The following HSD17B12 variants were observed in gnomAD, a reference collection of about 807,000 sequenced individuals.
HSD17B12 encodes hydroxysteroid 17-beta dehydrogenase 12.
A neutral mutation model predicts 39.3 loss-of-function variants in HSD17B12; 32 were observed. That is an observed-to-expected ratio of 0.81 (90% confidence interval 0.61 to 1.09). HSD17B12 has a LOEUF of 1.09. Ranked by LOEUF, HSD17B12 falls within the 50% of genes least tolerant of loss-of-function variation. The pLI, the probability that HSD17B12 is intolerant of heterozygous loss-of-function variation, is 0.00. For synonymous variants in HSD17B12, 150 were observed against 146.7 expected, an observed-to-expected ratio of 1.02 and a Z score of -0.16; for missense variants, 342 against 382.9, an observed-to-expected ratio of 0.89 and a Z score of 0.89.
upstream of HSD17B12, chr11:43,680,665 C>G (rs1390336213): frequency 3.0e-6 from 2 of 675,054 alleles, no homozygotes; most frequent in East Asian, 5.3e-5. Flanking sequence ...AGACGGGTCA[C>G]CAATAGCGAC....
chr11:43,676,208 G>GTTGTGTGTGT (rs1554958172), upstream of HSD17B12, among the ~76,000 whole-genome samples: 2 of 147,626 alleles, frequency 1.4e-5, no homozygotes, highest in African/African-American at 5.0e-5. Context: ...AGAGGAAGAG[G>GTTGTGTGTGT]GTGTGTGTGT....
chr11:43,646,374 T>G, the HSD17B12 span: 1 of 152,212 alleles, frequency 6.6e-6, no homozygotes, highest in Admixed American at 6.5e-5. Flanking sequence ...AGAAATTTAT[T>G]TTTAAATGAT....
the HSD17B12 span, among the ~76,000 whole-genome samples, chr11:43,560,902 A>T: frequency 2.6e-5 from 4 of 152,194 alleles, no homozygotes; most frequent in African/African-American, 9.7e-5. Flanking sequence ...TCCTTCGTCA[A>T]GCGAATAATT....
chr11:43,735,449 A>AT (rs1224971718), intron 1 of HSD17B12, among the ~76,000 whole-genome samples: 7 of 152,184 alleles, frequency 4.6e-5, no homozygotes, highest in Non-Finnish European at 8.8e-5. Flanking sequence ...ATTTTAAAAA[A>AT]TTACGGTCAA....
At chr11:43,734,841 C>T (rs1950302642) in intron 1 of HSD17B12, among the ~76,000 whole-genome samples, 1 of 152,214 alleles carries the variant, frequency 6.6e-6, no homozygotes, top group Non-Finnish European at 1.5e-5. Flanking sequence ...AGTACATTCA[C>T]ACTGCTGTGC....
chr11:43,781,100 C>T (rs778238778), intron 3 of HSD17B12, among the ~76,000 whole-genome samples: 6 of 152,088 alleles, frequency 3.9e-5, no homozygotes, highest in South Asian at 4.1e-4. Context: ...TTCCCCCCAA[C>T]GCCTCCTCAT....
chr11:43,656,695 A>T, the HSD17B12 span, among the ~76,000 whole-genome samples: 1 of 152,062 alleles, frequency 6.6e-6, no homozygotes, highest in African/African-American at 2.4e-5. Flanking sequence ...TTCAGTTTTC[A>T]TGTAGTTCAG....
chr11:43,587,388 G>A, the HSD17B12 span, among the ~76,000 whole-genome samples: 1 of 152,146 alleles, frequency 6.6e-6, no homozygotes, highest in Non-Finnish European at 1.5e-5. Context: ...TAGACCCCAA[G>A]TTAAAATTTT....
At chr11:43,850,703 C>G (rs577145792) in intron 9 of HSD17B12, among the ~76,000 whole-genome samples, 1 of 152,334 alleles carries the variant, frequency 6.6e-6, no homozygotes, top group East Asian at 1.9e-4. Context: ...CTGAATCAAG[C>G]CCCCTGAATT....
chr11:43,826,931 C>T (rs1374208816), intron 6 of HSD17B12, among the ~76,000 whole-genome samples: 2 of 152,196 alleles, frequency 1.3e-5, no homozygotes, highest in Non-Finnish European at 2.9e-5. Flanking sequence ...TTCACTGTTA[C>T]ACTGTGATTT....
At chr11:43,774,288 A>G (rs984793293) in intron 3 of HSD17B12, among the ~76,000 whole-genome samples, 10 of 151,444 alleles carry the variant, frequency 6.6e-5, no homozygotes, top group Non-Finnish European at 1.2e-4. Flanking sequence ...ATCTCGGTTC[A>G]CTGCAACCTC....
chr11:43,835,653 C>G (rs568335019), intron 7 of HSD17B12, among the ~76,000 whole-genome samples: 48 of 152,228 alleles, frequency 3.2e-4, no homozygotes, highest in African/African-American at 1.1e-3. Flanking sequence ...TTACTTAGGT[C>G]GAGTGCATTC....
intron 9 of HSD17B12, among the ~76,000 whole-genome samples, chr11:43,850,729 G>C (rs1951522674): frequency 6.6e-6 from 1 of 152,190 alleles, no homozygotes; most frequent in South Asian, 2.1e-4. Context: ...GTGCAGTCCA[G>C]TTATCTAAGC....
At chr11:43,746,141 A>G (rs1044596061) in intron 1 of HSD17B12, among the ~76,000 whole-genome samples, 3 of 152,200 alleles carry the variant, frequency 2.0e-5, no homozygotes, top group Non-Finnish European at 4.4e-5. Flanking sequence ...AAGGCCTAGG[A>G]TATTACTGTA....
intron 6 of HSD17B12, among the ~76,000 whole-genome samples, chr11:43,828,527 A>G (rs111236782): frequency 0.01 from 1,522 of 150,596 alleles, 10 homozygotes; most frequent in Middle Eastern, 0.017. Context: ...ATGGGTCTGG[A>G]AATCATGTTT....
chr11:43,786,915 G>C (rs1950819987), intron 3 of HSD17B12, among the ~76,000 whole-genome samples: 1 of 151,980 alleles, frequency 6.6e-6, no homozygotes, highest in Admixed American at 6.6e-5. Context: ...GGTACCTTTA[G>C]GGAATCCTAG....
chr11:43,632,884 A>AT, the HSD17B12 span, among the ~76,000 whole-genome samples: 1 of 152,212 alleles, frequency 6.6e-6, no homozygotes, highest in Non-Finnish European at 1.5e-5. Flanking sequence ...TTCAATTCTG[A>AT]TACTATCAGT....
intron 3 of HSD17B12, among the ~76,000 whole-genome samples, chr11:43,775,882 G>C (rs146477717): frequency 5.6e-4 from 85 of 151,418 alleles, no homozygotes; most frequent in Non-Finnish European, 1.0e-3. Context: ...TCTTGCAATA[G>C]TTTACTGAGA....
At position 43,689,057 on chromosome 11, in the gene HSD17B12, G is replaced by A. The variant is rs138457129; in HGVS notation, c.160+8070G>A. Among the ~76,000 whole-genome samples the A allele has an allele frequency of 1.1e-3, 175 of 152,258 alleles. 1 individual carries two copies. Among genetic ancestry groups the A allele is most frequent in the African/African-American group, 4.0e-3 (168 of 41,562 alleles). On this transcript the variant is annotated intron_variant, in intron 1 of 10. Transcript: ENST00000278353. The stretch of plus-strand genomic sequence containing the variant: ...TCTAAAATTATGAACAGACCAATTA[G>A]GAGATGACTAGTGCTACTGCAGAAG...
Sources: allele counts gnomAD v4.1 joint callset (sites outside exome capture counted in the v4.1 genomes callset), GRCh38; gene constraint gnomAD v4.1.1; transcripts MANE v1.5; gene names NCBI Gene and HGNC (gene_info 2026-07-23, HGNC 2026-07-21).